CHAF1B: variants seen among roughly 807,000 people sequenced by gnomAD.
The protein encoded by CHAF1B is chromatin assembly factor 1 subunit B, also known as CAF-1 subunit B.
Under a neutral mutation model 60.7 loss-of-function variants are expected in CHAF1B, and 10 were observed. That is an observed-to-expected ratio of 0.16 (90% confidence interval 0.10 to 0.28). CHAF1B has a LOEUF of 0.28. CHAF1B is among the 10% of genes least tolerant of loss of function. The pLI, the probability that CHAF1B is intolerant of heterozygous loss-of-function variation, is 1.00. For missense variants in CHAF1B, 558 were observed against 708.4 expected (o/e 0.79, Z 2.41); for synonymous variants, 261 against 266.1 (o/e 0.98, Z 0.19).
chr21:36,413,406 C>T (rs562708595), intron 12 of CHAF1B, 91 bp downstream of exon 12: 82 of 1,252,924 alleles, frequency 6.5e-5, no homozygotes, highest in Middle Eastern at 5.9e-4. Context: ...AAATTTCAGG[C>T]GGTGAATGCT....
At position 36,407,122 on chromosome 21, in the gene CHAF1B, C is replaced by T. The variant is rs1009017131; in HGVS notation, c.758-1639C>T. Among the ~76,000 whole-genome samples the T allele has an allele frequency of 4.0e-5, 6 of 151,606 alleles. No individual in the cohort carries two copies. The South Asian group carries it at 1.3e-3, about 32-fold the overall frequency. On this transcript the variant is annotated intron_variant, in intron 8 of 13. Transcript: ENST00000314103. ...TTCAAGACCAGCCTGGCCAACATGG[C>T]AAAACCCTGTCTCTACTAAAAATAC...
intron 7 of CHAF1B, 34 bp downstream of exon 7, chr21:36,399,639 G>A (rs771603711): frequency 6.4e-6 from 10 of 1,560,400 alleles, no homozygotes; most frequent in African/African-American, 1.4e-5. Context: ...TTTCAGCAGC[G>A]CTTTAACTGA....
chr21:36,403,393 G>A (rs1268536517), intron 8 of CHAF1B, among the ~76,000 whole-genome samples: 1 of 145,798 alleles, frequency 6.9e-6, no homozygotes, highest in Non-Finnish European at 1.5e-5. Flanking sequence ...GGAGGCAGAG[G>A]GTGCAGTGAG....
Position 36,411,541 on chromosome 21 carries a change from A to G in CHAF1B, c.998A>G (p.Gln333Arg). 1 of 1,614,088 alleles carries G rather than the reference A, an allele frequency of 6.2e-7. No homozygotes were observed. Among genetic ancestry groups the G allele is most frequent in the Middle Eastern group, 1.6e-4 (1 of 6,062 alleles). ...SEDSVLLYDT[Q>R]QSFPFGYVSN... ...GATTCCGTGCTTCTGTATGACACCC[A>G]GCAGTCCTTCCCTTTTGGTTACGTG... The change falls in exon 11 of 14, where the codon CAG (glutamine) becomes CGG (arginine). Residue 333 changes from glutamine to arginine, a missense_variant. Physicochemically the swap from Gln to Arg is conservative, Grantham distance 43. Around this residue, in one of 2 missense-constraint regions of CHAF1B, gnomAD observed 325 missense variants for 493.5 expected, o/e 0.66. Coordinates refer to ENST00000314103, the MANE Select transcript of CHAF1B (RefSeq NM_005441.3).
chr21:36,387,803 G>T (rs1341560938), intron 3 of CHAF1B, 73 bp downstream of exon 3: 6 of 1,414,084 alleles, frequency 4.2e-6, no homozygotes, highest in African/African-American at 1.5e-5. Context: ...CAGATAGTGA[G>T]ATTTGAGCTG....
Position 36,402,836 on chromosome 21 carries a change from T to C in CHAF1B, c.742T>C (p.Leu248=). Residue 248 remains leucine, a synonymous_variant, in exon 8 of 14, where the codon TTG becomes CTG. Transcript: ENST00000314103. ...ACTGAGTTTCACTCCCGACGGATCT[T>C]TGCTTCTCACGCCAGGTGTGTTTCG... is the stretch of plus-strand genomic sequence containing the variant. The part of the protein sequence containing the change: ...RRLSFTPDGS[L]LLTPAGCVES... The C allele has an allele frequency of 6.2e-7, 1 of 1,613,828 alleles. No individual in the cohort carries two copies. The highest frequency in any genetic ancestry group is 1.1e-5 in the South Asian group (1 of 91,064).
chr21:36,408,918 G>T (rs1006552185), intron 9 of CHAF1B, 88 bp downstream of exon 9: 4 of 897,490 alleles, frequency 4.5e-6, no homozygotes, highest in African/African-American at 1.7e-5. Context: ...GCAATGGTGC[G>T]ATCTCTGCTC....
At chr21:36,386,379 T>G (rs991314053) in intron 2 of CHAF1B, 117 bp downstream of exon 2, 4 of 1,290,408 alleles carry the variant, frequency 3.1e-6, no homozygotes, top group East Asian at 2.4e-5. Flanking sequence ...TCCCAGTGCT[T>G]TGGGAGGCTG....
In CHAF1B at chr21:36,416,927, AG is replaced by A. The variant is rs2086324230; in HGVS notation, c.*562del. 6.6e-6 allele frequency: 1 copy of A among 152,244 alleles called. No individual in the cohort carries two copies. The highest frequency in any genetic ancestry group is 1.5e-5 in the Non-Finnish European group (1 of 68,042). 9.4% of individuals were successfully genotyped at this position (152,244 alleles called of 1,614,324 possible). A position where few individuals can be genotyped will look rare whatever the true frequency, so the allele number is the denominator to read the frequency against. ...TATCACCCATCATCTTCCCACCAGA[AG>A]TAACCCTCGTTAATGTTGTAGTATA... On this transcript the variant is annotated 3_prime_UTR_variant, in exon 14 of 14. Coordinates refer to ENST00000314103, the MANE Select transcript of CHAF1B (RefSeq NM_005441.3).
chr21:36,386,761 G>A (rs1257528923), intron 2 of CHAF1B, among the ~76,000 whole-genome samples: 2 of 150,678 alleles, frequency 1.3e-5, no homozygotes, highest in African/African-American at 4.9e-5. Context: ...TTGCCCAGGT[G>A]GGAGTGCAGT....
At chr21:36,402,730 T>A (rs1163607639) in intron 7 of CHAF1B, 28 bp from the exon 8 acceptor site, 43 of 1,575,550 alleles carry the variant, frequency 2.7e-5, no homozygotes, top group Non-Finnish European at 3.6e-5. Context: ...ACAAAAAAAA[T>A]AATAAAAATA....
chr21:36,391,392 A>T (rs1018853466), intron 3 of CHAF1B, among the ~76,000 whole-genome samples, 159 bp from the exon 4 acceptor site: 1 of 150,532 alleles, frequency 6.6e-6, no homozygotes, highest in African/African-American at 2.5e-5. Flanking sequence ...TGGTCCTGGG[A>T]GGCAGAGGTT....
chr21:36,391,723 G>A (rs1438570772), intron 4 of CHAF1B, 55 bp downstream of exon 4: 2 of 1,129,194 alleles, frequency 1.8e-6, no homozygotes, highest in African/African-American at 1.5e-5. Context: ...TGCATTAAAT[G>A]GAATATACCT....
In CHAF1B at chr21:36,417,574, CCT is replaced by C. The variant is rs1227622940; in HGVS notation, c.*1209_*1210del. The C allele has an allele frequency of 1.3e-5, 2 of 152,104 alleles. No homozygotes were observed. The highest frequency in any genetic ancestry group is 6.6e-5 in the Admixed American group (1 of 15,254). 9.4% of individuals were successfully genotyped at this position (152,104 alleles called of 1,614,324 possible). On this transcript the variant is annotated 3_prime_UTR_variant, in exon 14 of 14. Coordinates refer to ENST00000314103, the MANE Select transcript of CHAF1B (RefSeq NM_005441.3). ...CTAACTCCTGACCTCAGATGATCTG[CCT>C]GCCTCGGCCTCCCAAAGTGTTGGGA...
At chr21:36,412,773 C>T (rs1036822265) in intron 11 of CHAF1B, 111 bp from the exon 12 acceptor site, 15 of 957,358 alleles carry the variant, frequency 1.6e-5, no homozygotes, top group Non-Finnish European at 2.2e-5. Flanking sequence ...TGTATCTTTT[C>T]CCTGGTTTTT....
At chr21:36,398,970 G>A (rs1308818253) in intron 6 of CHAF1B, among the ~76,000 whole-genome samples, 1 of 151,568 alleles carries the variant, frequency 6.6e-6, no homozygotes, top group African/African-American at 2.4e-5. Flanking sequence ...TCTGACAAGT[G>A]TGTTTTATTC....
chr21:36,399,464 T>C (rs1014586566), intron 6 of CHAF1B, 57 bp from the exon 7 acceptor site: 21 of 1,471,166 alleles, frequency 1.4e-5, no homozygotes, highest in Non-Finnish European at 1.8e-5. Context: ...AAGTTGTTTC[T>C]GTGTGAAGCA....
intron 10 of CHAF1B, among the ~76,000 whole-genome samples, chr21:36,411,004 C>G (rs1042635194): frequency 6.6e-6 from 1 of 151,916 alleles, no homozygotes; most frequent in Non-Finnish European, 1.5e-5. Flanking sequence ...TTTTTCTCCT[C>G]ATTGTGGGTC....
At chr21:36,398,961 C>T (rs2086164564) in intron 6 of CHAF1B, among the ~76,000 whole-genome samples, 1 of 151,428 alleles carries the variant, frequency 6.6e-6, no homozygotes, top group Non-Finnish European at 1.5e-5. Context: ...CATTTATTTT[C>T]TGACAAGTGT....
Sources: allele counts gnomAD v4.1 joint callset (sites outside exome capture counted in the v4.1 genomes callset), GRCh38; gene constraint gnomAD v4.1.1; regional missense constraint gnomAD v4.1.1; transcripts MANE v1.5; gene names NCBI Gene and HGNC (gene_info 2026-07-23, HGNC 2026-07-21).